CASD1: variants seen among roughly 807,000 people sequenced by gnomAD.
The protein encoded by CASD1 is N-acetylneuraminate (7)9-O-acetyltransferase.
Under a neutral mutation model 100.0 loss-of-function variants are expected in CASD1, and 41 were observed. That is an observed-to-expected ratio of 0.41 (90% CI 0.32 to 0.53). The LOEUF (loss-of-function observed/expected upper bound fraction) is 0.53, where lower values mean the gene tolerates loss of function less well. Among genes scored for constraint, CASD1 ranks in the 20% least tolerant of loss-of-function variants. CASD1 has a pLI of 0.25. For synonymous variants in CASD1, 321 were observed against 315.6 expected (o/e 1.02, Z -0.18); for missense variants, 774 against 948.7 (o/e 0.82, Z 2.42).
chr7:94,618,441 G>A, the CASD1 span: 1 of 252,906 alleles, frequency 4.0e-6, no homozygotes. Context: ...AATAACTGGG[G>A]CGTCAATTTC....
chr7:94,516,660 A>T (rs1793992186), intron 1 of CASD1, among the ~76,000 whole-genome samples: 1 of 151,642 alleles, frequency 6.6e-6, no homozygotes, highest in Non-Finnish European at 1.5e-5. Flanking sequence ...CCTTTGACAT[A>T]TTTGAGCTTA....
At chr7:94,615,365 AATAG>A in the CASD1 span, among the ~76,000 whole-genome samples, 53,742 of 141,920 alleles carry the variant, frequency 0.38, 10,331 homozygotes, top group East Asian at 0.4. Flanking sequence ...TCTCAAAATA[AATAG>A]ATAGATAGAT....
the CASD1 span, among the ~76,000 whole-genome samples, chr7:94,630,904 T>G: frequency 2.0e-5 from 3 of 152,054 alleles, no homozygotes; most frequent in East Asian, 5.8e-4. Context: ...TGAACTACAT[T>G]TTTCAGCACA....
the CASD1 span, among the ~76,000 whole-genome samples, chr7:94,623,095 A>G: frequency 6.6e-6 from 1 of 152,156 alleles, no homozygotes; most frequent in Non-Finnish European, 1.5e-5. Context: ...GCTTAGAGAA[A>G]TAAGAGGACT....
the CASD1 span, chr7:94,623,985 C>T: frequency 5.4e-5 from 21 of 385,480 alleles, no homozygotes; most frequent in Middle Eastern, 1.3e-3. Context: ...TCCCTTCATA[C>T]GGGCAAATAT....
chr7:94,604,611 A>G, the CASD1 span, among the ~76,000 whole-genome samples: 1 of 151,638 alleles, frequency 6.6e-6, no homozygotes, highest in African/African-American at 2.4e-5. Context: ...TTATCATCAC[A>G]GGTACCAAGA....
At chr7:94,588,643 T>G in the CASD1 span, 1 of 1,568,178 alleles carries the variant, frequency 6.4e-7, no homozygotes, top group Non-Finnish European at 8.8e-7. Context: ...TCTTTTAATC[T>G]ATTAGATTCA....
At chr7:94,611,152 C>T in the CASD1 span, among the ~76,000 whole-genome samples, 10 of 152,124 alleles carry the variant, frequency 6.6e-5, no homozygotes, top group African/African-American at 1.9e-4. Context: ...TAGGGATATA[C>T]TTCAGAAAAA....
chr7:94,548,769 T>C (rs192823867), intron 13 of CASD1, among the ~76,000 whole-genome samples: 142 of 152,056 alleles, frequency 9.3e-4, no homozygotes, highest in African/African-American at 3.3e-3. Context: ...AATGGAGCTT[T>C]CCTTGATAGA....
chr7:94,521,929 CAAA>C (rs1206953515), intron 3 of CASD1, among the ~76,000 whole-genome samples: 1 of 151,980 alleles, frequency 6.6e-6, no homozygotes, highest in Non-Finnish European at 1.5e-5. Context: ...ACTAAAAACA[CAAA>C]AAATTAGCTG....
At chr7:94,516,848 TATA>T (rs1278562053) in intron 1 of CASD1, among the ~76,000 whole-genome samples, 2 of 152,198 alleles carry the variant, frequency 1.3e-5, no homozygotes, top group East Asian at 3.9e-4. Context: ...CACTGTGTAT[TATA>T]GTAGTTGAAT....
chr7:94,510,376 G>A (rs1251388378), intron 1 of CASD1, among the ~76,000 whole-genome samples, 159 bp downstream of exon 1: 2 of 152,136 alleles, frequency 1.3e-5, no homozygotes, highest in South Asian at 2.1e-4. Flanking sequence ...AGCGGCCGGC[G>A]CCCGAGGCCA....
At chr7:94,528,354 T>C in intron 5 of CASD1, 104 bp downstream of exon 5, 1 of 751,452 alleles carries the variant, frequency 1.3e-6, no homozygotes. Context: ...TCCTATATTT[T>C]ATACCTGCCT....
chr7:94,584,751 C>T, the CASD1 span, among the ~76,000 whole-genome samples: 3 of 152,122 alleles, frequency 2.0e-5, no homozygotes, highest in Admixed American at 2.0e-4. Context: ...AAAAGAGTTA[C>T]TGCAAGGTAC....
intron 5 of CASD1, 72 bp downstream of exon 5, chr7:94,528,322 C>T: frequency 9.2e-7 from 1 of 1,082,008 alleles, no homozygotes; most frequent in Non-Finnish European, 1.3e-6. Context: ...ATTTTTATTC[C>T]CTTTACTCAC....
In CASD1 at chr7:94,510,172, G is replaced by A. The variant is rs1029364948; in HGVS notation, c.88G>A (p.Val30Met). ...CGCCAAGGTGCTGGCGCTGGTGGCC[G>A]TGCTGCTGCTCGCAGCGTGCCACCT... is the stretch of plus-strand genomic sequence containing the variant. ...RSAKVLALVA[V>M]LLLAACHLAS... Residue 30 changes from valine to methionine, a missense_variant, in exon 1 of 18, where the codon GTG becomes ATG. Physicochemically the swap from Val to Met is conservative, Grantham distance 21 (BLOSUM62 1). Coordinates refer to ENST00000297273, the MANE Select transcript of CASD1 (RefSeq NM_022900.5). 6.6e-7 allele frequency: 1 copy of A among 1,522,296 alleles called. No individual in the cohort carries two copies. The highest frequency in any genetic ancestry group is 2.1e-5 in the Admixed American group (1 of 48,212). 94.3% of individuals were successfully genotyped at this position (1,522,296 alleles called of 1,614,324 possible).
the CASD1 span, among the ~76,000 whole-genome samples, chr7:94,592,019 C>A: frequency 6.6e-6 from 1 of 152,056 alleles, no homozygotes; most frequent in East Asian, 1.9e-4. Context: ...AGGTGCTCAA[C>A]CAAAAAAATA....
At chr7:94,606,670 A>G in the CASD1 span, among the ~76,000 whole-genome samples, 1 of 152,234 alleles carries the variant, frequency 6.6e-6, no homozygotes, top group Non-Finnish European at 1.5e-5. Flanking sequence ...AAAATAGAAT[A>G]CACATTCTTC....
At chr7:94,548,113 C>T (rs192751923) in intron 13 of CASD1, among the ~76,000 whole-genome samples, 79 of 151,822 alleles carry the variant, frequency 5.2e-4, no homozygotes, top group Non-Finnish European at 5.3e-4. Flanking sequence ...GACAGTTATT[C>T]ATTAAAATTC....
Sources: allele counts gnomAD v4.1 joint callset (sites outside exome capture counted in the v4.1 genomes callset), GRCh38; gene constraint gnomAD v4.1.1; transcripts MANE v1.5; gene names NCBI Gene and HGNC (gene_info 2026-07-23, HGNC 2026-07-21).